ANKRD11: variants seen among roughly 807,000 people sequenced by gnomAD.
ANKRD11 encodes ankyrin repeat domain 11.
Under a neutral mutation model 195.7 loss-of-function variants are expected in ANKRD11, and 17 were observed. That is an observed-to-expected ratio of 0.09 (90% CI 0.06 to 0.13). ANKRD11 has a LOEUF of 0.13. ANKRD11 is among the 10% of genes least tolerant of loss of function. The pLI, the probability that ANKRD11 is intolerant of heterozygous loss-of-function variation, is 1.00. For missense variants in ANKRD11, 3,735 were observed against 3,566.1 expected (o/e 1.05, Z -1.21); for synonymous variants, 1,953 against 1,528.1 (o/e 1.28, Z -6.49).
chr16:89,305,036 G>C, intron 4 of ANKRD11, 170 bp downstream of exon 4: 1 of 1,001,806 alleles, frequency 1.0e-6, no homozygotes, highest in Non-Finnish European at 1.4e-6. Context: ...AAAGGAGGTG[G>C]CATGTGGGGG....
In ANKRD11 at chr16:89,291,600, C is replaced by T. The variant is rs1485379738; in HGVS notation, c.227-417G>A. The T allele has an allele frequency of 1.1e-5, 12 of 1,105,836 alleles. No homozygotes were observed. Among genetic ancestry groups the T allele is most frequent in the Non-Finnish European group, 1.2e-5 (10 of 818,686 alleles). 68.5% of individuals were successfully genotyped at this position (1,105,836 alleles called of 1,614,324 possible). A position where few individuals can be genotyped will look rare whatever the true frequency, so the allele number is the denominator to read the frequency against. On this transcript the variant is annotated intron_variant, in intron 4 of 12. Transcript: ENST00000301030. The surrounding 1 kb of genome is among the most constrained non-coding windows in gnomAD (Gnocchi z 5.3). Reference sequence around the variant, plus strand: ...ATTCAATTCCACCTTCCCCGTCCCTCCTCCAAACAGTGCAGATATAAAATG... The same window carrying T: ...ATTCAATTCCACCTTCCCCGTCCCTTCTCCAAACAGTGCAGATATAAAATG...
At chr16:89,486,313 T>A (rs1443333499) in intron 1 of ANKRD11, among the ~76,000 whole-genome samples, 1 of 151,912 alleles carries the variant, frequency 6.6e-6, no homozygotes, top group East Asian at 1.9e-4. Context: ...CGGCGGCACA[T>A]GCCTGTGGTC....
intron 1 of ANKRD11, among the ~76,000 whole-genome samples, chr16:89,440,975 C>T (rs979670809): frequency 2.0e-4 from 31 of 152,270 alleles, no homozygotes; most frequent in African/African-American, 6.0e-4. Flanking sequence ...CAGTGGCTCA[C>T]GCCTGTAATC....
At chr16:89,442,745 T>C (rs2043578242) in intron 1 of ANKRD11, among the ~76,000 whole-genome samples, 1 of 152,062 alleles carries the variant, frequency 6.6e-6, no homozygotes, top group Admixed American at 6.6e-5. Context: ...CACAGCAAGG[T>C]TCTGCTGTTT....
At position 89,390,687 on chromosome 16, in the gene ANKRD11, A is replaced by T. The variant is rs535480972; in HGVS notation, c.-60+27597T>A. On this transcript the variant is annotated intron_variant, in intron 2 of 12. Coordinates refer to ENST00000301030, the MANE Select transcript of ANKRD11 (RefSeq NM_013275.6). ...CAAAAGGGACGACAGGTTCTCGGGG[A>T]AACAGTGAGCACACAGCCAGGGGCC... is the stretch of plus-strand genomic sequence containing the variant. Among the ~76,000 whole-genome samples the T allele has an allele frequency of 1.2e-3, 182 of 152,266 alleles. 2 individuals are homozygous for T. The highest frequency in any genetic ancestry group is 4.1e-3 in the African/African-American group (171 of 41,538).
At chr16:89,349,153 A>AAAAAAAAAAAAAAAAAAAAT (rs2039085027) in intron 2 of ANKRD11, among the ~76,000 whole-genome samples, 1 of 146,284 alleles carries the variant, frequency 6.8e-6, no homozygotes, top group African/African-American at 2.5e-5. Context: ...AAAAAAAAAA[A>AAAAAAAAAAAAAAAAAAAAT]AAAAAAAAGA....
chr16:89,406,802 T>A (rs2041924887), intron 2 of ANKRD11, among the ~76,000 whole-genome samples: 1 of 151,860 alleles, frequency 6.6e-6, no homozygotes, highest in African/African-American at 2.4e-5. Context: ...CAGGACAGGG[T>A]GCCCTCCGGG....
chr16:89,358,688 C>A (rs2039596614), intron 2 of ANKRD11, among the ~76,000 whole-genome samples: 1 of 152,236 alleles, frequency 6.6e-6, no homozygotes, highest in African/African-American at 2.4e-5. Flanking sequence ...TCAGTGACAA[C>A]CCACAAGCTG....
rs746553463 is a variant in ANKRD11, at chr16:89,280,911, C to A, written c.5631G>T (p.Pro1877=). 17 of 1,599,824 alleles carry A rather than the reference C, an allele frequency of 1.1e-5. No homozygotes were observed. Among genetic ancestry groups the A allele is most frequent in the Non-Finnish European group, 1.5e-5 (17 of 1,170,360 alleles). Residue 1877 remains proline, a synonymous_variant, in exon 9 of 13, where the codon CCG becomes CCT. Transcript: ENST00000301030. ...AACTTGAGAAGACGCCCTCTGGAGA[C>A]GGGGTGACAGTGACAACGGCAGCCG... The part of the protein sequence containing the change: ...CPPAAVVTVT[P]SPEGVFSSLQ...
chr16:89,300,983 C>T (rs945165066), intron 4 of ANKRD11: 14 of 654,966 alleles, frequency 2.1e-5, no homozygotes, highest in Admixed American at 1.4e-4. Context: ...AGAAGCGAGA[C>T]TCAGGGTCAC....
At chr16:89,278,384 G>T (rs1324240007) in intron 9 of ANKRD11, 1 of 383,642 alleles carries the variant, frequency 2.6e-6, no homozygotes, top group Non-Finnish European at 5.2e-6. Context: ...GCCCTCATGG[G>T]AATGTGCTCA....
chr16:89,370,431 G>T (rs949856383), intron 2 of ANKRD11, among the ~76,000 whole-genome samples: 1 of 152,142 alleles, frequency 6.6e-6, no homozygotes, highest in Non-Finnish European at 1.5e-5. Context: ...CCCTCCTGCC[G>T]TTATCCAGGG....
chr16:89,357,049 T>C (rs553306370), intron 2 of ANKRD11, among the ~76,000 whole-genome samples: 1 of 152,290 alleles, frequency 6.6e-6, no homozygotes, highest in East Asian at 1.9e-4. Flanking sequence ...ACATCTTTTA[T>C]TCTAAAAATC....
intron 2 of ANKRD11, among the ~76,000 whole-genome samples, chr16:89,405,704 G>C (rs1042235833): frequency 6.6e-6 from 1 of 151,994 alleles, no homozygotes; most frequent in Non-Finnish European, 1.5e-5. Flanking sequence ...GACAATTCAG[G>C]AAATGCACCA....
chr16:89,316,172 T>G (rs1597603613), intron 3 of ANKRD11, among the ~76,000 whole-genome samples: 1 of 152,018 alleles, frequency 6.6e-6, no homozygotes, highest in Admixed American at 6.6e-5. Flanking sequence ...CACCATTCAC[T>G]CCACCAGACA....
At chr16:89,270,754 A>G (rs1475095766) in intron 12 of ANKRD11, 63 bp downstream of exon 12, 4 of 1,531,042 alleles carry the variant, frequency 2.6e-6, no homozygotes, top group Non-Finnish European at 2.7e-6. Flanking sequence ...GGTTGTCACC[A>G]CCCATCACAG....
At chr16:89,486,503 G>T (rs1175765716) in intron 1 of ANKRD11, among the ~76,000 whole-genome samples, 1 of 151,888 alleles carries the variant, frequency 6.6e-6, no homozygotes. Flanking sequence ...AGACGCAAAG[G>T]CTGAGTAGGA....
chr16:89,371,372 G>A (rs1332802251), intron 2 of ANKRD11, among the ~76,000 whole-genome samples: 3 of 152,198 alleles, frequency 2.0e-5, no homozygotes, highest in African/African-American at 7.2e-5. Flanking sequence ...ATTTGGTGTC[G>A]TTTTATGTCA....
At chr16:89,304,462 A>G (rs578164587) in intron 4 of ANKRD11, among the ~76,000 whole-genome samples, 106 of 151,694 alleles carry the variant, frequency 7.0e-4, no homozygotes, top group African/African-American at 2.2e-3. Context: ...ACACATACTC[A>G]GGCACACATG....
Sources: gnomAD v4.1 joint callset for allele counts (sites outside exome capture counted in the v4.1 genomes callset) on GRCh38, gnomAD v4.1.1 for gene constraint, Gnocchi (gnomAD v3.1) non-coding constraint, MANE v1.5 for transcripts, NCBI Gene and HGNC (gene_info 2026-07-23, HGNC 2026-07-21) for gene names.